Variants in FGF14 observed in about 807,000 individuals in gnomAD.
FGF14 encodes fibroblast growth factor 14, also known as fibroblast growth factor homologous factor 4.
In FGF14, 5 loss-of-function variants were observed where a neutral mutation model predicts 25.5. The ratio of observed to expected loss-of-function variants is 0.20; its 90% CI spans 0.10 to 0.41. The LOEUF (loss-of-function observed/expected upper bound fraction) is 0.41. FGF14 is among the 10% of genes least tolerant of loss of function. The pLI, the probability that FGF14 is intolerant of heterozygous loss-of-function variation, is 1.00. For synonymous variants in FGF14, 138 were observed against 118.3 expected (o/e 1.17, Z -1.08); for missense variants, 222 against 320.1 (o/e 0.69, Z 2.34).
intron 1 of FGF14, among the ~76,000 whole-genome samples, chr13:102,250,572 T>C (rs1404271931): frequency 2.0e-5 from 3 of 152,176 alleles, no homozygotes; most frequent in African/African-American, 7.2e-5. Context: ...GCATTGAATA[T>C]TATGTTCCCC....
At chr13:102,035,397 C>G (rs984419853) in intron 1 of FGF14, among the ~76,000 whole-genome samples, 13 of 152,022 alleles carry the variant, frequency 8.6e-5, no homozygotes, top group Middle Eastern at 3.2e-3. Flanking sequence ...GCCTCTCAAC[C>G]CTTGCCCTAT....
intron 1 of FGF14, among the ~76,000 whole-genome samples, chr13:102,323,337 C>T (rs1018691630): frequency 3.9e-5 from 6 of 152,130 alleles, no homozygotes; most frequent in African/African-American, 1.4e-4. Context: ...TTTATAAGTT[C>T]ATATTTTCTG....
chr13:102,246,195 T>C (rs2051858060), intron 1 of FGF14, among the ~76,000 whole-genome samples: 2 of 152,092 alleles, frequency 1.3e-5, no homozygotes, highest in Non-Finnish European at 2.9e-5. Context: ...GCTTTTGCTA[T>C]ATGTATTCTC....
At position 101,853,369 on chromosome 13, in the gene FGF14, C is replaced by G. The variant is rs558124413; in HGVS notation, c.408+15356G>C. Among the ~76,000 whole-genome samples the G allele has an allele frequency of 3.9e-5, 6 of 152,236 alleles. No homozygotes were observed. In the East Asian group the frequency reaches 1.2e-3, roughly 29 times the overall value. ...CACTAACCTATTACCAACAAATTCT[C>G]TCTTCATAGTGAAAGCAATAATAAT... On this transcript the variant is annotated intron_variant, in intron 3 of 4. Transcript: ENST00000376143.
intron 1 of FGF14, among the ~76,000 whole-genome samples, chr13:102,151,451 A>G (rs1594162747): frequency 6.6e-6 from 1 of 152,152 alleles, no homozygotes; most frequent in South Asian, 2.1e-4. Context: ...CTTAACATCT[A>G]TACTAATGTC....
intron 1 of FGF14, among the ~76,000 whole-genome samples, chr13:102,312,558 C>T (rs2055825605): frequency 1.3e-5 from 2 of 152,080 alleles, no homozygotes; most frequent in Non-Finnish European, 2.9e-5. Flanking sequence ...AAATTGTATT[C>T]CCCACAAACA....
chr13:101,738,843 T>A (rs997300785), intron 3 of FGF14, among the ~76,000 whole-genome samples: 2 of 151,222 alleles, frequency 1.3e-5, no homozygotes, highest in African/African-American at 4.9e-5. Context: ...TATTTGTAAT[T>A]GGTATATATA....
rs534938337 is a variant in FGF14 at position 102,318,706 on chromosome 13, G to A, written c.208+82765C>T. On this transcript the variant is annotated intron_variant, in intron 1 of 4. Transcript: ENST00000376131. Reference sequence around the variant, plus strand: ...CCCTACTCTAGCATGACCTTATCATGACTAATTACATCTGCAACAACAGAA... The same window carrying A: ...CCCTACTCTAGCATGACCTTATCATAACTAATTACATCTGCAACAACAGAA... 3.3e-5 allele frequency among the ~76,000 whole-genome samples: 5 copies of A among 152,220 alleles called. No homozygotes were observed. In the South Asian group the frequency reaches 1.0e-3, roughly 32 times the overall value.
chr13:101,720,462 C>G lies in FGF14; in HGVS notation c.*2369G>C, dbSNP rs948748338. 2.6e-5 allele frequency: 4 copies of G among 151,818 alleles called. No individual in the cohort carries two copies. The highest frequency in any genetic ancestry group is 9.7e-5 in the African/African-American group (4 of 41,284). 9.4% of individuals were successfully genotyped at this position (151,818 alleles called of 1,614,324 possible). A position where few individuals can be genotyped will look rare whatever the true frequency, so the allele number is the denominator to read the frequency against. On this transcript the variant is annotated 3_prime_UTR_variant, in exon 5 of 5. Coordinates refer to ENST00000376143, the MANE Select transcript of FGF14 (RefSeq NM_004115.4). Reference sequence around the variant, plus strand: ...GTCTTAATTTAAACCAATAAACAGACTTGCAGGGGAAAAAGAAACCAGCAA... The same window carrying G: ...GTCTTAATTTAAACCAATAAACAGAGTTGCAGGGGAAAAAGAAACCAGCAA...
chr13:102,041,814 T>C (rs2041756905), intron 1 of FGF14, among the ~76,000 whole-genome samples: 1 of 152,130 alleles, frequency 6.6e-6, no homozygotes, highest in Non-Finnish European at 1.5e-5. Context: ...GAACTACCTA[T>C]CTAGGTGAAA....
At chr13:102,208,835 CT>C (rs2050047642) in intron 1 of FGF14, among the ~76,000 whole-genome samples, 1 of 152,178 alleles carries the variant, frequency 6.6e-6, no homozygotes, top group African/African-American at 2.4e-5. Flanking sequence ...AGCTGTCCCC[CT>C]GTTGAATATA....
At chr13:101,986,165 C>A (rs1293019495) in intron 1 of FGF14, among the ~76,000 whole-genome samples, 1 of 152,060 alleles carries the variant, frequency 6.6e-6, no homozygotes, top group Non-Finnish European at 1.5e-5. Flanking sequence ...CCACTATTAC[C>A]TGGGAAAAGT....
At chr13:101,867,277 C>T (rs1000147889) in intron 3 of FGF14, among the ~76,000 whole-genome samples, 1 of 151,826 alleles carries the variant, frequency 6.6e-6, no homozygotes, top group Admixed American at 6.6e-5. Context: ...TATACCCTAC[C>T]TTTAAAAAAG....
At chr13:101,777,848 C>T (rs1163068346) in intron 3 of FGF14, among the ~76,000 whole-genome samples, 1 of 152,014 alleles carries the variant, frequency 6.6e-6, no homozygotes, top group South Asian at 2.1e-4. Context: ...CCTGTAATTC[C>T]AGCTAGTCGG....
chr13:101,832,746 C>T (rs2042735402), intron 3 of FGF14, among the ~76,000 whole-genome samples: 1 of 151,968 alleles, frequency 6.6e-6, no homozygotes, highest in Admixed American at 6.6e-5. Context: ...GTGAAAAGGA[C>T]ATGAACTTTT....
At chr13:101,941,376 G>A (rs1770440718) in intron 1 of FGF14, among the ~76,000 whole-genome samples, 2 of 152,180 alleles carry the variant, frequency 1.3e-5, no homozygotes, top group African/African-American at 4.8e-5. Context: ...GCTATTTGTG[G>A]ATTTCCATAA....
intron 1 of FGF14, among the ~76,000 whole-genome samples, chr13:102,050,004 G>A (rs1349903590): frequency 6.6e-6 from 1 of 152,186 alleles, no homozygotes; most frequent in Non-Finnish European, 1.5e-5. Flanking sequence ...GGGACACTTT[G>A]TTATGACAGC....
intron 1 of FGF14, among the ~76,000 whole-genome samples, chr13:102,284,108 T>C (rs775366534): frequency 4.6e-5 from 7 of 152,186 alleles, no homozygotes; most frequent in Admixed American, 6.5e-5. Flanking sequence ...GGCAACACTG[T>C]AGTAAATTGG....
intron 1 of FGF14, among the ~76,000 whole-genome samples, chr13:102,079,455 TTTATC>T (rs2043515501): frequency 6.6e-6 from 1 of 152,182 alleles, no homozygotes; most frequent in Admixed American, 6.5e-5. Context: ...TATTTATTTA[TTTATC>T]TTTAGAGATA....
Sources: allele counts gnomAD v4.1 joint callset (sites outside exome capture counted in the v4.1 genomes callset), GRCh38; gene constraint gnomAD v4.1.1; transcripts MANE v1.5; gene names NCBI Gene and HGNC (gene_info 2026-07-23, HGNC 2026-07-21).